HLCS: variants seen among roughly 807,000 people sequenced by gnomAD.
HLCS encodes holocarboxylase synthetase, also known as biotin--protein ligase.
In HLCS, 53 loss-of-function variants were observed where a neutral mutation model predicts 75.0. The ratio of observed to expected loss-of-function variants is 0.71; its 90% CI spans 0.57 to 0.89. HLCS has a LOEUF of 0.89. HLCS is among the 40% of genes least tolerant of loss of function. HLCS has a pLI of 0.00. For missense variants in HLCS, 966 were observed against 1,074.0 expected, an observed-to-expected ratio of 0.90 and a Z score of 1.41; for synonymous variants, 431 against 428.6, an observed-to-expected ratio of 1.01 and a Z score of -0.07.
At position 36,754,296 on chromosome 21, in the gene HLCS, C is replaced by T. The variant is rs371982620; in HGVS notation, c.2572G>A (p.Gly858Ser). Residue 858 changes from glycine to serine, a missense_variant, in exon 11 of 11, where the codon GGC becomes AGC. Physicochemically the swap from Gly to Ser is moderately conservative, Grantham distance 56 (BLOSUM62 0). Coordinates refer to ENST00000674895, the MANE Select transcript of HLCS (RefSeq NM_001352514.2). ...GGEVVTVHPD[G>S]NSFDMLRNLI... ...TTTCTCAGCATGTCGAAGGAGTTGCCGTCCGGGTGCACAGTCACAACCTCG... is the reference window on the plus strand; with the variant it reads ...TTTCTCAGCATGTCGAAGGAGTTGCTGTCCGGGTGCACAGTCACAACCTCG... 49 of 1,613,936 alleles carry T rather than the reference C, an allele frequency of 3.0e-5. No individual in the cohort carries two copies. Among genetic ancestry groups the T allele is most frequent in the Non-Finnish European group, 3.7e-5 (44 of 1,180,022 alleles).
intron 7 of HLCS, 77 bp from the exon 8 acceptor site, chr21:36,765,249 C>T: frequency 7.5e-7 from 1 of 1,325,634 alleles, no homozygotes; most frequent in Non-Finnish European, 1.1e-6. Context: ...GCCAGGGCCA[C>T]ACACTCAAAT....
At chr21:36,896,752 G>A in intron 6 of HLCS, 108 bp downstream of exon 6, 1 of 1,276,402 alleles carries the variant, frequency 7.8e-7, no homozygotes, top group South Asian at 1.2e-5. Flanking sequence ...AATAGGTCTG[G>A]TCAAACGTAT....
intron 1 of HLCS, among the ~76,000 whole-genome samples, chr21:36,965,523 G>A (rs1417270020): frequency 2.6e-5 from 4 of 152,044 alleles, no homozygotes; most frequent in Non-Finnish European, 5.9e-5. Context: ...GGCTGAACAC[G>A]TAACCACCAT....
intron 10 of HLCS, among the ~76,000 whole-genome samples, chr21:36,755,123 G>C (rs559205660): frequency 7.2e-5 from 11 of 152,026 alleles, no homozygotes; most frequent in Non-Finnish European, 1.2e-4. Flanking sequence ...GCAGCTGGGT[G>C]TGGTAGCTCA....
intron 5 of HLCS, among the ~76,000 whole-genome samples, chr21:36,917,664 T>A (rs2065989179): frequency 6.6e-6 from 1 of 152,160 alleles, no homozygotes; most frequent in Non-Finnish European, 1.5e-5. Flanking sequence ...AAACCAGGAT[T>A]GGTAGCTTAA....
intron 6 of HLCS, among the ~76,000 whole-genome samples, chr21:36,894,670 A>G (rs1195110012): frequency 6.6e-6 from 1 of 152,220 alleles, no homozygotes; most frequent in East Asian, 1.9e-4. Context: ...TTAATAATCA[A>G]ACCAAACAAG....
chr21:36,930,193 G>A (rs1403440614), intron 5 of HLCS, 58 bp downstream of exon 5: 18 of 1,423,934 alleles, frequency 1.3e-5, no homozygotes, highest in East Asian at 6.8e-5. Context: ...GCAACGGGTC[G>A]CCACTGTGAA....
chr21:36,768,645 G>A (rs1014514388), intron 6 of HLCS, among the ~76,000 whole-genome samples: 1 of 152,226 alleles, frequency 6.6e-6, no homozygotes, highest in African/African-American at 2.4e-5. Context: ...CACGGCTGCT[G>A]GAACAGGCAC....
intron 8 of HLCS, among the ~76,000 whole-genome samples, chr21:36,761,151 C>A (rs1296274205): frequency 6.6e-6 from 1 of 152,176 alleles, no homozygotes; most frequent in Admixed American, 6.5e-5. Flanking sequence ...TTGGTGCTAG[C>A]GCATCCCCAG....
In HLCS at chr21:36,930,414, G is replaced by C. The variant is rs1292447284; in HGVS notation, c.1457C>G (p.Pro486Arg). The change falls in exon 5 of 11, where the codon CCC becomes CGC. Residue 486 changes from proline (P) to arginine (R), a missense_variant. Transcript: ENST00000674895. Reference sequence around the variant, plus strand: ...TGGAGTTTGCACTATGTTGGAGCTGGGAGGTAGTTCTAAGTGCACCTGAAG... The same window carrying C: ...TGGAGTTTGCACTATGTTGGAGCTGCGAGGTAGTTCTAAGTGCACCTGAAG... ...VLCQVHLELP[P>R]SSNIVQTPED... The C allele has an allele frequency of 2.5e-6, 4 of 1,614,134 alleles. No homozygotes were observed. Among genetic ancestry groups the C allele is most frequent in the Non-Finnish European group, 3.4e-6 (4 of 1,179,992 alleles).
At chr21:36,939,972 C>G (rs1327640141) in intron 2 of HLCS, among the ~76,000 whole-genome samples, 2 of 152,154 alleles carry the variant, frequency 1.3e-5, no homozygotes, top group Non-Finnish European at 2.9e-5. Flanking sequence ...TCGCTTGAAC[C>G]CAAGAGGCAG....
At chr21:36,915,017 C>T (rs988793196) in intron 5 of HLCS, among the ~76,000 whole-genome samples, 1 of 152,256 alleles carries the variant, frequency 6.6e-6, no homozygotes, top group Non-Finnish European at 1.5e-5. Flanking sequence ...TCCTAGCCGA[C>T]ATGCACACCA....
intron 6 of HLCS, among the ~76,000 whole-genome samples, chr21:36,785,630 G>C (rs917547131): frequency 6.6e-6 from 1 of 152,190 alleles, no homozygotes; most frequent in Non-Finnish European, 1.5e-5. Flanking sequence ...TCCACAGATA[G>C]AGTTTTACTT....
intron 2 of HLCS, among the ~76,000 whole-genome samples, chr21:36,955,968 G>A (rs894407889): frequency 3.9e-5 from 6 of 152,132 alleles, no homozygotes; most frequent in African/African-American, 1.4e-4. Context: ...TATAGCCTAG[G>A]AGCAATAGGC....
intron 6 of HLCS, among the ~76,000 whole-genome samples, chr21:36,816,510 C>T (rs578220169): frequency 2.0e-5 from 3 of 152,322 alleles, no homozygotes; most frequent in Admixed American, 2.0e-4. Flanking sequence ...TACCTTGTCA[C>T]TGTAGTTACT....
chr21:36,776,626 G>T (rs1241401355), intron 6 of HLCS, among the ~76,000 whole-genome samples: 2 of 152,058 alleles, frequency 1.3e-5, no homozygotes, highest in African/African-American at 4.8e-5. Context: ...CGTTGGTTGG[G>T]CTGGTCTCGA....
chr21:36,860,546 G>A (rs1038642393), intron 6 of HLCS, among the ~76,000 whole-genome samples: 1 of 152,160 alleles, frequency 6.6e-6, no homozygotes, highest in Non-Finnish European at 1.5e-5. Flanking sequence ...GAAATGCACT[G>A]TAATTTAATA....
At chr21:36,825,613 G>A (rs536578091) in intron 6 of HLCS, among the ~76,000 whole-genome samples, 1 of 152,222 alleles carries the variant, frequency 6.6e-6, no homozygotes, top group Admixed American at 6.5e-5. Flanking sequence ...AACCTTGCTC[G>A]AGATTTATCC....
In HLCS at chr21:36,751,624, C is replaced by T. The variant is rs14407; in HGVS notation, c.*2622G>A. 0.43 allele frequency: 65,521 copies of T among 152,324 alleles called. 14,310 individuals carry two copies. The highest frequency in any genetic ancestry group is 0.6 in the South Asian group (2,877 of 4,830). The allele number at this position is 152,324 out of a possible 1,614,324, so 9.4% of individuals were successfully genotyped here. A position where few individuals can be genotyped will look rare whatever the true frequency, so the allele number is the denominator to read the frequency against. On this transcript the variant is annotated 3_prime_UTR_variant, in exon 11 of 11. Transcript: ENST00000674895. ...AGCCTGCTGCAGTGAAACTCAACCA[C>T]GATTTTCCTTTGCACACAAATCCTT...
Sources: allele counts gnomAD v4.1 joint callset (sites outside exome capture counted in the v4.1 genomes callset), GRCh38; gene constraint gnomAD v4.1.1; transcripts MANE v1.5; gene names NCBI Gene and HGNC (gene_info 2026-07-23, HGNC 2026-07-21).